IGSF22: variants seen among roughly 807,000 people sequenced by gnomAD.
The protein encoded by IGSF22 is immunoglobulin superfamily, member 22.
In IGSF22, 119 loss-of-function variants were observed where a neutral mutation model predicts 127.0. That is an observed-to-expected ratio of 0.94 (90% confidence interval 0.81 to 1.09). The LOEUF (loss-of-function observed/expected upper bound fraction) is 1.09, where lower values mean the gene tolerates loss of function less well. Among genes scored for constraint, IGSF22 ranks in the 50% least tolerant of loss-of-function variants. The pLI, the probability that IGSF22 is intolerant of heterozygous loss-of-function variation, is 0.00. For missense variants in IGSF22, 1,518 were observed against 1,716.6 expected, an observed-to-expected ratio of 0.88 and a Z score of 2.04; for synonymous variants, 568 against 664.7, an observed-to-expected ratio of 0.85 and a Z score of 2.24.
chr11:18,715,456 T>A lies in IGSF22; in HGVS notation c.1507A>T (p.Ser503Cys). 4 of 1,613,030 alleles carry A rather than the reference T, an allele frequency of 2.5e-6. No individual in the cohort carries two copies. In the South Asian group the frequency reaches 4.4e-5, roughly 18 times the overall value. Residue 503 changes from serine (S) to cysteine (C), a missense_variant, in exon 11 of 23, where the codon AGT becomes TGT. Transcript: ENST00000513874. ...CCCTCCACAGTGACGATGGCAGTAC[T>A]GTAGTATTCAGTAGGGTCTCCATCC... ...MQDGDPTEYY[S>C]TAIVTVEERL...
At chr11:18,718,289 C>G (rs547663102) in intron 8 of IGSF22, among the ~76,000 whole-genome samples, 196 bp from the exon 9 acceptor site, 1 of 152,210 alleles carries the variant, frequency 6.6e-6, no homozygotes, top group African/African-American at 2.4e-5. Context: ...GGCCTCCTCA[C>G]AGGCCCGAGC....
In IGSF22 at chr11:18,721,586, C is replaced by G; in HGVS notation, c.327G>C (p.Lys109Asn). ...SWKRESGIPI[K>N]ESAKIFYDSI... ...TGTCGTAGAATATCTTGGCGGACTC[C>G]TTGATGGGGATGCCGCTCTCCCTCT... The change falls in exon 4 of 23, where the codon AAG becomes AAC. Residue 109 changes from lysine (K) to asparagine (N), a missense_variant. Lys to Asn is a moderately conservative substitution (Grantham distance 94). Around this residue, in one of 3 missense-constraint regions of IGSF22, gnomAD observed 1,456 missense variants for 1,644.9 expected, o/e 0.89. Coordinates refer to ENST00000513874, the MANE Select transcript of IGSF22 (RefSeq NM_173588.4). 1 of 1,614,268 alleles carries G rather than the reference C, an allele frequency of 6.2e-7. No homozygotes were observed. The highest frequency in any genetic ancestry group is 8.5e-7 in the Non-Finnish European group (1 of 1,180,044).
intron 7 of IGSF22, 123 bp downstream of exon 7, chr11:18,719,593 C>T (rs1166992276): frequency 2.5e-5 from 23 of 904,442 alleles, no homozygotes; most frequent in African/African-American, 6.7e-5. Context: ...GTGGAGAGTA[C>T]GCCTCTGAGT....
Position 18,709,331 on chromosome 11 carries a change from GA to G in IGSF22, c.2998+55del. On this transcript the variant is annotated intron_variant, in intron 18 of 22. Transcript: ENST00000513874. This position sits in a 1 kb window ranked among gnomAD's most constrained non-coding sequence, Gnocchi z 4.8. ...TCCTGTGGGATGAGGCCCCAGAGGA[GA>G]AGGTTTGGAGGTACAATGTTGGGCA... 6.5e-7 allele frequency: 1 copy of G among 1,540,172 alleles called. No homozygotes were observed. Among genetic ancestry groups the G allele is most frequent in the Non-Finnish European group, 8.9e-7 (1 of 1,126,694 alleles).
At chr11:18,718,206 A>G (rs556518086) in intron 8 of IGSF22, 113 bp from the exon 9 acceptor site, 193 of 938,212 alleles carry the variant, frequency 2.1e-4, no homozygotes, top group Non-Finnish European at 2.9e-4. Flanking sequence ...AACCCTCTAA[A>G]GACAGAGATC....
intron 9 of IGSF22, among the ~76,000 whole-genome samples, chr11:18,717,612 G>A (rs1283162826): frequency 6.6e-6 from 1 of 152,024 alleles, no homozygotes; most frequent in African/African-American, 2.4e-5. Context: ...TGCCCAGGTT[G>A]GTCTTGAACT....
chr11:18,709,873 T>C lies in IGSF22; in HGVS notation c.2702-190A>G, dbSNP rs142789726. On this transcript the variant is annotated intron_variant, in intron 17 of 22. Coordinates refer to ENST00000513874, the MANE Select transcript of IGSF22 (RefSeq NM_173588.4). This position sits in a 1 kb window ranked among gnomAD's most constrained non-coding sequence, Gnocchi z 4.8. ...TTCAAATTCAGTTATCTTACTGTTT[T>C]AACACTTTCATCCTTAAACTCAATA... is the stretch of plus-strand genomic sequence containing the variant. Among the ~76,000 whole-genome samples, 3 of 152,342 alleles carry C rather than the reference T, an allele frequency of 2.0e-5. No individual in the cohort carries two copies. Among genetic ancestry groups the C allele is most frequent in the African/African-American group, 4.8e-5 (2 of 41,572 alleles).
chr11:18,725,319 G>A (rs967509351), intron 1 of IGSF22, among the ~76,000 whole-genome samples: 1 of 152,068 alleles, frequency 6.6e-6, no homozygotes, highest in African/African-American at 2.4e-5. Flanking sequence ...GTAGAGACAG[G>A]GTTTCATCTT....
intron 10 of IGSF22, 90 bp from the exon 11 acceptor site, chr11:18,715,806 T>C: frequency 7.1e-7 from 1 of 1,403,440 alleles, no homozygotes; most frequent in Non-Finnish European, 9.7e-7. Flanking sequence ...CCTCTTTCTG[T>C]CCCCAGAAAA....
At position 18,707,989 on chromosome 11, in the gene IGSF22, G is replaced by T. The variant is rs766614859; in HGVS notation, c.3095C>A (p.Pro1032Gln). ...LCIHAAFSGSPPPDVIWQKDG... is the reference protein window; with the variant it reads ...LCIHAAFSGSQPPDVIWQKDG... ...TTTCTGCCAGATCACGTCAGGTGGTGGTGAGCCCTGAGTAGTGACAGGAGA... is the reference window on the plus strand; with the variant it reads ...TTTCTGCCAGATCACGTCAGGTGGTTGTGAGCCCTGAGTAGTGACAGGAGA... The change falls in exon 20 of 23, where the codon CCA becomes CAA. Residue 1032 changes from proline (P) to glutamine (Q), a missense_variant. By Grantham distance (76) the Pro-to-Gln change is moderately conservative. Coordinates refer to ENST00000513874, the MANE Select transcript of IGSF22 (RefSeq NM_173588.4). 3.7e-6 allele frequency: 6 copies of T among 1,613,930 alleles called. No homozygotes were observed. The highest frequency in any genetic ancestry group is 5.1e-6 in the Non-Finnish European group (6 of 1,179,948).
At position 18,721,985 on chromosome 11, in the gene IGSF22, G is replaced by T; in HGVS notation, c.166C>A (p.Arg56=). ...SIVEFFSLVT[R]SSNIPAGDSV... ...TCGCCCGCAGGGATGTTTGAGCTCC[G>T]GGTCACTAAGCTGAAGAACTCCACT... Residue 56 remains arginine (R), a synonymous_variant, in exon 3 of 23, where the codon CGG becomes AGG. Transcript: ENST00000513874. 1 of 1,614,018 alleles carries T rather than the reference G, an allele frequency of 6.2e-7. No homozygotes were observed. The highest frequency in any genetic ancestry group is 8.5e-7 in the Non-Finnish European group (1 of 1,180,020).
chr11:18,710,665 G>T lies in IGSF22; in HGVS notation c.2562C>A (p.Asp854Glu), dbSNP rs1287981303. 2 of 1,612,620 alleles carry T rather than the reference G, an allele frequency of 1.2e-6. No homozygotes were observed. Among genetic ancestry groups the T allele is most frequent in the Admixed American group, 1.7e-5 (1 of 59,988 alleles). The change falls in exon 16 of 23, where the codon GAC (aspartate) becomes GAA (glutamate). Residue 854 changes from aspartate to glutamate, a missense_variant. Coordinates refer to ENST00000513874, the MANE Select transcript of IGSF22 (RefSeq NM_173588.4). ...GSNLWVPVNK[D>E]PIQGTKCTVD... is the part of the protein sequence containing the mutation. ...TTCCAAGGACCTCACCCTGGATGGG[G>T]TCCTTGTTGACTGGCACCCACAGGT...
rs1848461387 is a variant in IGSF22 at position 18,716,244 on chromosome 11, T to C, written c.1246+484A>G. 2.0e-5 allele frequency among the ~76,000 whole-genome samples: 3 copies of C among 152,186 alleles called. No individual in the cohort carries two copies. The highest frequency in any genetic ancestry group is 1.3e-4 in the Admixed American group (2 of 15,274). ...TCTGATGTTGCCAGGTGATGCCTTT[T>C]CTTTGGTCTTCTACAGCCCTTGTGT... On this transcript the variant is annotated intron_variant, in intron 10 of 22. Coordinates refer to ENST00000513874, the MANE Select transcript of IGSF22 (RefSeq NM_173588.4). This position sits in a 1 kb window ranked among gnomAD's most constrained non-coding sequence, Gnocchi z 4.5.
rs1848457031 is a variant in IGSF22 at position 18,716,014 on chromosome 11, G to T, written c.1247-298C>A. Among the ~76,000 whole-genome samples the T allele has an allele frequency of 1.3e-5, 2 of 152,110 alleles. No individual in the cohort carries two copies. Among genetic ancestry groups the T allele is most frequent in the South Asian group, 4.1e-4 (2 of 4,824 alleles). On this transcript the variant is annotated intron_variant, in intron 10 of 22. Transcript: ENST00000513874. The surrounding 1 kb of genome is among the most constrained non-coding windows in gnomAD (Gnocchi z 4.5). ...GCTCAATATCTCTAATGCCCCCTTG[G>T]AGCTCCAACCATACCTGCATTGTCT...
At position 18,714,381 on chromosome 11, in the gene IGSF22, C is replaced by T; in HGVS notation, c.1694G>A (p.Gly565Asp). 6.2e-7 allele frequency: 1 copy of T among 1,614,236 alleles called. No individual in the cohort carries two copies. Reference sequence around the variant, plus strand: ...GGGAAAGATGAGCTTGTGCACTGCACCCTGCTTCACAATCTGCATGCCTGG... The same window carrying T: ...GGGAAAGATGAGCTTGTGCACTGCATCCTGCTTCACAATCTGCATGCCTGG... ...DLPGMQIVKQ[G>D]AVHKLIFPSM... The change falls in exon 13 of 23, where the codon GGT becomes GAT. Residue 565 changes from glycine (G) to aspartate (D), a missense_variant. Gly to Asp is a moderately conservative substitution (Grantham distance 94). Around this residue, in one of 3 missense-constraint regions of IGSF22, gnomAD observed 1,456 missense variants for 1,644.9 expected, o/e 0.89. Transcript: ENST00000513874.
At chr11:18,719,206 G>A (rs1050045282) in intron 7 of IGSF22, among the ~76,000 whole-genome samples, 8 of 152,100 alleles carry the variant, frequency 5.3e-5, no homozygotes, top group South Asian at 2.1e-4. Context: ...GTGCAGTGGC[G>A]TGATCTTGGC....
At chr11:18,711,687 T>G (rs557933910) in intron 15 of IGSF22, among the ~76,000 whole-genome samples, 1 of 152,338 alleles carries the variant, frequency 6.6e-6, no homozygotes, top group Admixed American at 6.5e-5. Context: ...TGTGCGCCAC[T>G]GTGCCCAGCC....
chr11:18,722,260 A>C (rs550012032), intron 2 of IGSF22, among the ~76,000 whole-genome samples: 2 of 151,744 alleles, frequency 1.3e-5, no homozygotes, highest in African/African-American at 4.8e-5. Context: ...CCTTTCCCAC[A>C]CCTCAGTGGT....
At chr11:18,710,916 A>C in intron 15 of IGSF22, 88 bp from the exon 16 acceptor site, 1 of 1,108,026 alleles carries the variant, frequency 9.0e-7, no homozygotes, top group Admixed American at 2.2e-5. Flanking sequence ...TCGCCTGCTT[A>C]AATAAACTCA....
Sources: gnomAD v4.1 joint callset for allele counts (sites outside exome capture counted in the v4.1 genomes callset) on GRCh38, gnomAD v4.1.1 for gene constraint, gnomAD v4.1.1 regional missense constraint, Gnocchi (gnomAD v3.1) non-coding constraint, MANE v1.5 for transcripts, NCBI Gene and HGNC (gene_info 2026-07-23, HGNC 2026-07-21) for gene names.